IQSEC1: variants seen among roughly 807,000 people sequenced by gnomAD.
The protein encoded by IQSEC1 is IQ motif and SEC7 domain-containing protein 1.
A neutral mutation model predicts 91.0 loss-of-function variants in IQSEC1; 31 were observed. The observed-to-expected ratio is 0.34, with a 90% CI of 0.26 to 0.46. The LOEUF (loss-of-function observed/expected upper bound fraction) is 0.46. Ranked by LOEUF, IQSEC1 falls within the 20% of genes least tolerant of loss-of-function variation. The pLI is 1.00. For missense variants in IQSEC1, 1,388 were observed against 1,575.6 expected, an observed-to-expected ratio of 0.88 and a Z score of 2.02; for synonymous variants, 699 against 662.6, an observed-to-expected ratio of 1.05 and a Z score of -0.84.
chr3:13,178,926 G>T (rs182062632), intron 1 of IQSEC1, among the ~76,000 whole-genome samples: 3 of 152,010 alleles, frequency 2.0e-5, no homozygotes, highest in African/African-American at 7.2e-5. Flanking sequence ...AAACACCTTC[G>T]GTCATCCCAA....
chr3:13,185,103 G>C (rs1693908476), intron 1 of IQSEC1, among the ~76,000 whole-genome samples: 2 of 152,162 alleles, frequency 1.3e-5, no homozygotes, highest in African/African-American at 4.8e-5. Context: ...ACGCAGACTG[G>C]GGCAGTTGTA....
At chr3:13,243,135 G>A (rs1420137648) in intron 1 of IQSEC1, among the ~76,000 whole-genome samples, 1 of 152,164 alleles carries the variant, frequency 6.6e-6, no homozygotes, top group African/African-American at 2.4e-5. Context: ...TTCGCACACA[G>A]AGATGCTCAC....
At chr3:13,227,595 G>A (rs1211038323) in intron 1 of IQSEC1, among the ~76,000 whole-genome samples, 1 of 152,018 alleles carries the variant, frequency 6.6e-6, no homozygotes, top group Non-Finnish European at 1.5e-5. Context: ...GCTGTGGGAG[G>A]GTGCTGAGCA....
At chr3:13,027,920 G>A (rs1347658693) in intron 1 of IQSEC1, among the ~76,000 whole-genome samples, 1 of 152,198 alleles carries the variant, frequency 6.6e-6, no homozygotes, top group African/African-American at 2.4e-5. Context: ...ACAATGATAT[G>A]TAGGTTAATC....
intron 1 of IQSEC1, among the ~76,000 whole-genome samples, chr3:13,210,163 C>A (rs1694418493): frequency 6.6e-6 from 1 of 152,136 alleles, no homozygotes; most frequent in Non-Finnish European, 1.5e-5. Context: ...CACAAACGCA[C>A]CAGGATTTTA....
intron 1 of IQSEC1, among the ~76,000 whole-genome samples, chr3:12,966,339 C>T (rs1421756403): frequency 6.6e-6 from 1 of 152,166 alleles, no homozygotes; most frequent in African/African-American, 2.4e-5. Flanking sequence ...GCTGGACATG[C>T]GCTGCACAAT....
intron 1 of IQSEC1, among the ~76,000 whole-genome samples, chr3:13,217,117 G>A (rs377160539): frequency 4.6e-5 from 7 of 152,152 alleles, no homozygotes; most frequent in African/African-American, 1.7e-4. Context: ...CAACTGAACA[G>A]AGTGAACCTG....
chr3:12,978,525 C>T (rs577745878), intron 1 of IQSEC1, among the ~76,000 whole-genome samples: 1 of 151,792 alleles, frequency 6.6e-6, no homozygotes, highest in African/African-American at 2.4e-5. Context: ...GGTGAAACCC[C>T]GTCTCTACTA....
chr3:13,213,960 C>T (rs975535769), intron 1 of IQSEC1, among the ~76,000 whole-genome samples: 3 of 152,140 alleles, frequency 2.0e-5, no homozygotes, highest in Non-Finnish European at 4.4e-5. Flanking sequence ...GAAGTCCCAT[C>T]TAGGGCCCTC....
chr3:13,183,663 G>A (rs1693883996), intron 1 of IQSEC1, among the ~76,000 whole-genome samples: 1 of 152,168 alleles, frequency 6.6e-6, no homozygotes, highest in Middle Eastern at 3.2e-3. Flanking sequence ...CCAAGGGACA[G>A]CAAACTTTTT....
chr3:13,237,296 C>G (rs1297803023), intron 1 of IQSEC1, among the ~76,000 whole-genome samples: 1 of 150,826 alleles, frequency 6.6e-6, no homozygotes, highest in Non-Finnish European at 1.5e-5. Flanking sequence ...GCAGGGACAC[C>G]CTGTGGAAGG....
At chr3:12,944,081 C>T (rs1356705029) in intron 1 of IQSEC1, among the ~76,000 whole-genome samples, 1 of 152,142 alleles carries the variant, frequency 6.6e-6, no homozygotes, top group African/African-American at 2.4e-5. Flanking sequence ...GCAGGCTGCC[C>T]CTCCCTTCAA....
At chr3:13,041,565 G>A (rs994155186) in intron 1 of IQSEC1, among the ~76,000 whole-genome samples, 4 of 152,180 alleles carry the variant, frequency 2.6e-5, no homozygotes, top group African/African-American at 9.7e-5. Flanking sequence ...CGTTCAAGGT[G>A]ACCATGGCGA....
chr3:12,978,094 G>C (rs894288371), intron 1 of IQSEC1, among the ~76,000 whole-genome samples: 1 of 152,222 alleles, frequency 6.6e-6, no homozygotes, highest in Non-Finnish European at 1.5e-5. Flanking sequence ...CACAATTGGC[G>C]TCAACTACAT....
chr3:13,213,326 CCT>C (rs1360031298), intron 1 of IQSEC1, among the ~76,000 whole-genome samples: 3 of 152,290 alleles, frequency 2.0e-5, no homozygotes, highest in Middle Eastern at 6.8e-3. Flanking sequence ...ATCTTGGCCC[CCT>C]GTGTATGGGT....
chr3:13,235,904 C>T (rs1006529492), intron 1 of IQSEC1, among the ~76,000 whole-genome samples: 1 of 152,188 alleles, frequency 6.6e-6, no homozygotes, highest in Non-Finnish European at 1.5e-5. Context: ...CCCGCTGAGA[C>T]AACCCGCTGC....
chr3:12,982,687 G>A (rs1198427167), intron 1 of IQSEC1, among the ~76,000 whole-genome samples: 1 of 152,344 alleles, frequency 6.6e-6, no homozygotes, highest in East Asian at 1.9e-4. Context: ...TGACTGGGGG[G>A]TCCCCTTTCT....
At chr3:13,255,048 C>A (rs191324893) in intron 1 of IQSEC1, among the ~76,000 whole-genome samples, 2 of 152,370 alleles carry the variant, frequency 1.3e-5, no homozygotes, top group Non-Finnish European at 2.9e-5. Context: ...GGAAGACCAA[C>A]CTCCACGTCA....
At position 13,172,707 on chromosome 3, in the gene IQSEC1, G is replaced by A. The variant is rs77438280; in HGVS notation, c.273-8574C>T. Among the ~76,000 whole-genome samples, 683 of 152,358 alleles carry A rather than the reference G, an allele frequency of 4.5e-3. 2 individuals carry two copies. The highest frequency in any genetic ancestry group is 0.016 in the African/African-American group (653 of 41,578). ...TTGCCATTGTCCCCTGGGTGCAGAT[G>A]AGGGCAGTGACCTGCCTGAGGTCAC... is the stretch of plus-strand genomic sequence containing the variant. On this transcript the variant is annotated intron_variant, in intron 1 of 15. Coordinates refer to the IQSEC1 transcript ENST00000648114.
Sources: gnomAD v4.1 joint callset for allele counts (sites outside exome capture counted in the v4.1 genomes callset) on GRCh38, gnomAD v4.1.1 for gene constraint, MANE v1.5 for transcripts, NCBI Gene and HGNC (gene_info 2026-07-23, HGNC 2026-07-21) for gene names.